Variants in PKP4 observed in about 807,000 individuals in gnomAD.
PKP4 encodes the protein plakophilin 4.
In PKP4, 90 loss-of-function variants were observed where a neutral mutation model predicts 145.1. The ratio of observed to expected loss-of-function variants is 0.62; its 90% confidence interval spans 0.52 to 0.74. The LOEUF (loss-of-function observed/expected upper bound fraction) is 0.74. Among genes scored for constraint, PKP4 ranks in the 30% least tolerant of loss-of-function variants. The pLI, the probability that PKP4 is intolerant of heterozygous loss-of-function variation, is 0.00. For synonymous variants in PKP4, 563 were observed against 577.2 expected (o/e 0.98, Z 0.35); for missense variants, 1,340 against 1,482.7 (o/e 0.90, Z 1.58).
chr2:158,480,341 A>G (rs1367165808), intron 1 of PKP4, among the ~76,000 whole-genome samples: 1 of 152,140 alleles, frequency 6.6e-6, no homozygotes, highest in Admixed American at 6.5e-5. Flanking sequence ...GGTTCAAGTG[A>G]TTCTCCTGCC....
chr2:158,526,024 G>A (rs745387228), intron 1 of PKP4, among the ~76,000 whole-genome samples: 64 of 151,660 alleles, frequency 4.2e-4, no homozygotes, highest in Non-Finnish European at 8.4e-4. Flanking sequence ...TCCAGGACCA[G>A]ATGGATTCAC....
At chr2:158,636,024 TTACTG>T (rs1405303388) in intron 9 of PKP4, among the ~76,000 whole-genome samples, 1 of 152,182 alleles carries the variant, frequency 6.6e-6, no homozygotes, top group African/African-American at 2.4e-5. Context: ...TTATTGATCT[TTACTG>T]TATAAAAGGA....
At chr2:158,652,618 G>A (rs1484185064) in intron 11 of PKP4, among the ~76,000 whole-genome samples, 1 of 152,202 alleles carries the variant, frequency 6.6e-6, no homozygotes, top group Non-Finnish European at 1.5e-5. Context: ...ACAATCTGCA[G>A]CCCTGATATT....
chr2:158,608,383 A>G (rs1261256224), intron 4 of PKP4, among the ~76,000 whole-genome samples: 2 of 152,148 alleles, frequency 1.3e-5, no homozygotes, highest in Non-Finnish European at 1.5e-5. Context: ...CATAATAATT[A>G]AATGTTGTCC....
chr2:158,561,501 G>A (rs1466425133), intron 2 of PKP4, among the ~76,000 whole-genome samples: 3 of 152,194 alleles, frequency 2.0e-5, no homozygotes, highest in Non-Finnish European at 4.4e-5. Flanking sequence ...GTTTGTTTAT[G>A]TTCACTGACT....
intron 4 of PKP4, among the ~76,000 whole-genome samples, chr2:158,607,972 A>T (rs978520742): frequency 6.6e-6 from 1 of 152,198 alleles, no homozygotes; most frequent in Non-Finnish European, 1.5e-5. Context: ...AATAGAAAAA[A>T]ACAATAAGAC....
At chr2:158,555,179 T>C (rs553339684) in intron 2 of PKP4, among the ~76,000 whole-genome samples, 3 of 152,336 alleles carry the variant, frequency 2.0e-5, no homozygotes, top group African/African-American at 7.2e-5. Flanking sequence ...CCTAGTGACC[T>C]GTACCAGTCT....
intron 6 of PKP4, among the ~76,000 whole-genome samples, chr2:158,621,750 CAAAAAAAAAAAAAAGG>C (rs2052283916): frequency 1.6e-5 from 1 of 64,504 alleles, no homozygotes; most frequent in Non-Finnish European, 3.4e-5. Flanking sequence ...CGTCTCAAAA[CAAAAAAAAAAAAAAGG>C]AAAAAAAAAG....
chr2:158,535,666 T>C (rs2043974991), intron 2 of PKP4, among the ~76,000 whole-genome samples: 1 of 152,150 alleles, frequency 6.6e-6, no homozygotes, highest in African/African-American at 2.4e-5. Flanking sequence ...GCAGTCCTCC[T>C]GCCTCAGCCT....
chr2:158,604,151 T>C (rs2050455172), intron 4 of PKP4, among the ~76,000 whole-genome samples: 2 of 152,158 alleles, frequency 1.3e-5, no homozygotes, highest in South Asian at 4.1e-4. Flanking sequence ...GAAATACTGA[T>C]ATAAGTGGAC....
intron 3 of PKP4, among the ~76,000 whole-genome samples, chr2:158,585,590 T>A (rs902513931): frequency 6.6e-6 from 1 of 152,204 alleles, no homozygotes; most frequent in Admixed American, 6.5e-5. Flanking sequence ...CCTCTTCAAA[T>A]AATGTATTCT....
At position 158,533,437 on chromosome 2, in the gene PKP4, G is replaced by A. The variant is rs770742565; in HGVS notation, c.132+121G>A. The A allele has an allele frequency of 3.4e-6, 4 of 1,188,790 alleles. No individual in the cohort carries two copies. In the African/African-American group the frequency reaches 4.5e-5, roughly 14 times the overall value. The allele number at this position is 1,188,790 out of a possible 1,614,324, so 73.6% of individuals were successfully genotyped here. On this transcript the variant is annotated intron_variant, in intron 2 of 21. Transcript: ENST00000389759. ...ACGCCTTCACGTTTTCTAATTATAAGGTGTTTACATCCCTGAGTACATTGG... is the reference window on the plus strand; with the variant it reads ...ACGCCTTCACGTTTTCTAATTATAAAGTGTTTACATCCCTGAGTACATTGG...
At chr2:158,591,143 A>C (rs750590568) in intron 3 of PKP4, among the ~76,000 whole-genome samples, 5 of 152,072 alleles carry the variant, frequency 3.3e-5, no homozygotes, top group Non-Finnish European at 2.9e-5. Context: ...AAAAGAAGAG[A>C]GGGGGAGGTA....
rs772513955 is a variant in PKP4, at chr2:158,625,252, T to A, written c.978T>A (p.Ala326=). 6.2e-7 allele frequency: 1 copy of A among 1,614,142 alleles called. No individual in the cohort carries two copies. The highest frequency in any genetic ancestry group is 8.5e-7 in the Non-Finnish European group (1 of 1,180,014). ...LTLTDAQTRV[A]SPSQGQVGSS... ...TGACGGATGCACAGACTCGAGTAGC[T>A]TCCCCATCCCAAGGCCAGGTGGGGT... Residue 326 remains alanine, a synonymous_variant, in exon 7 of 22, where the codon GCT becomes GCA. Transcript: ENST00000389759.
At position 158,631,950 on chromosome 2, in the gene PKP4, C is replaced by A. The variant is rs749092509; in HGVS notation, c.1342+9C>A. ...GTATCGCACAGGTTCAGGTGGGCAT[C>A]AACTCTGTTTACTGGTTTCCTGATT... is the stretch of plus-strand genomic sequence containing the variant. On this transcript the variant is annotated intron_variant, in intron 8 of 21. Transcript: ENST00000389759. 1 of 1,612,234 alleles carries A rather than the reference C, an allele frequency of 6.2e-7. No homozygotes were observed. Among genetic ancestry groups the A allele is most frequent in the African/African-American group, 1.3e-5 (1 of 75,006 alleles).
intron 6 of PKP4, 34 bp downstream of exon 6, chr2:158,621,455 A>G (rs1475710191): frequency 6.3e-7 from 1 of 1,584,978 alleles, no homozygotes; most frequent in Non-Finnish European, 8.7e-7. Context: ...CTGCAAAGAA[A>G]TACCTTCCGG....
intron 2 of PKP4, among the ~76,000 whole-genome samples, chr2:158,545,073 CTTTTTTTTT>C (rs386391605): frequency 1.2e-3 from 90 of 72,512 alleles, no homozygotes; most frequent in African/African-American, 4.5e-3. Flanking sequence ...AAGTCTTTCA[CTTTTTTTTT>C]TTTTTTTTTT....
At chr2:158,571,173 T>G (rs1453847368) in intron 2 of PKP4, among the ~76,000 whole-genome samples, 1 of 152,208 alleles carries the variant, frequency 6.6e-6, no homozygotes, top group Non-Finnish European at 1.5e-5. Context: ...CAGCTACTCC[T>G]GAATTAGCTG....
rs79819433 is a variant in PKP4 at position 158,593,286 on chromosome 2, T to G, written c.246-9784T>G. 4.5e-4 allele frequency among the ~76,000 whole-genome samples: 68 copies of G among 152,260 alleles called. No individual in the cohort carries two copies. The East Asian group carries it at 0.011, about 24-fold the overall frequency. ...TTTAGGAAGAGAGTCTGTTGTTGTG[T>G]TTAGCCATTTTACTCTTTTCATCTC... On this transcript the variant is annotated intron_variant, in intron 3 of 21. Transcript: ENST00000389759.
Sources: gnomAD v4.1 joint callset for allele counts (sites outside exome capture counted in the v4.1 genomes callset) on GRCh38, gnomAD v4.1.1 for gene constraint, MANE v1.5 for transcripts, NCBI Gene and HGNC (gene_info 2026-07-23, HGNC 2026-07-21) for gene names.